Variants in XNDC1N observed in about 807,000 individuals in gnomAD.
XNDC1N encodes protein XNDC1N.
chr11:71,870,259 T>C, the XNDC1N span, among the ~76,000 whole-genome samples: 1 of 152,178 alleles, frequency 6.6e-6, no homozygotes, highest in African/African-American at 2.4e-5. Flanking sequence ...TTTGCTCTTA[T>C]ATTCTTTGAC....
the XNDC1N span, among the ~76,000 whole-genome samples, chr11:71,901,059 A>G: frequency 3.3e-5 from 5 of 152,184 alleles, no homozygotes; most frequent in Non-Finnish European, 5.9e-5. Context: ...AGTGGGTGCC[A>G]CAATCACTGT....
At chr11:71,876,688 C>A in the XNDC1N span, among the ~76,000 whole-genome samples, 2 of 152,148 alleles carry the variant, frequency 1.3e-5, no homozygotes, top group Non-Finnish European at 2.9e-5. Flanking sequence ...AAAATTATGC[C>A]CTTAGTGTTC....
the XNDC1N span, among the ~76,000 whole-genome samples, chr11:71,926,566 A>C: frequency 6.6e-6 from 1 of 152,226 alleles, no homozygotes; most frequent in Non-Finnish European, 1.5e-5. Context: ...GACAATGTGA[A>C]GAAAAATAAA....
chr11:71,920,042 C>A, the XNDC1N span, among the ~76,000 whole-genome samples: 1 of 140,632 alleles, frequency 7.1e-6, no homozygotes, highest in East Asian at 2.2e-4. Flanking sequence ...ACCGAAAGCT[C>A]CGCCTCCCGG....
chr11:71,891,721 A>G, the XNDC1N span, among the ~76,000 whole-genome samples: 2 of 151,856 alleles, frequency 1.3e-5, 1 homozygote, highest in South Asian at 4.2e-4. Flanking sequence ...ATTGGGCACA[A>G]AAACAAAAAA....
chr11:71,922,484 G>C, the XNDC1N span, among the ~76,000 whole-genome samples: 1 of 151,996 alleles, frequency 6.6e-6, no homozygotes, highest in African/African-American at 2.4e-5. Context: ...TTTATTTTTT[G>C]TAGAAATGGG....
chr11:71,883,089 AAAG>A, the XNDC1N span, among the ~76,000 whole-genome samples: 1 of 152,228 alleles, frequency 6.6e-6, no homozygotes, highest in African/African-American at 2.4e-5. Context: ...GAAAGAAATT[AAAG>A]AAGACACAAA....
At chr11:71,879,632 A>G in the XNDC1N span, among the ~76,000 whole-genome samples, 1 of 152,252 alleles carries the variant, frequency 6.6e-6, no homozygotes. Flanking sequence ...AAAATTTACC[A>G]TAATATTCAT....
chr11:71,913,341 T>C, the XNDC1N span, among the ~76,000 whole-genome samples: 1 of 151,762 alleles, frequency 6.6e-6, no homozygotes, highest in Admixed American at 6.6e-5. Context: ...CCTGCGATAT[T>C]GGGAGTAAGA....
the XNDC1N span, chr11:71,914,213 G>T: frequency 2.2e-6 from 1 of 449,044 alleles, no homozygotes; most frequent in East Asian, 7.0e-5. Context: ...ATCTAGGAAA[G>T]TAAATTAAAA....
At chr11:71,893,634 C>T in the XNDC1N span, 18 of 1,124,768 alleles carry the variant, frequency 1.6e-5, no homozygotes, top group Non-Finnish European at 2.1e-5. Flanking sequence ...ACTCCCCCCT[C>T]CACACCCCCA....
chr11:71,872,054 A>C, the XNDC1N span, among the ~76,000 whole-genome samples: 5 of 152,214 alleles, frequency 3.3e-5, no homozygotes, highest in East Asian at 9.6e-4. Flanking sequence ...AAAATGTACT[A>C]TATCTATACG....
chr11:71,878,755 G>C, the XNDC1N span, among the ~76,000 whole-genome samples: 9 of 152,038 alleles, frequency 5.9e-5, no homozygotes, highest in East Asian at 1.9e-4. Context: ...AGCATTTGGG[G>C]AGTTTGAGGT....
chr11:71,895,666 C>G, the XNDC1N span, among the ~76,000 whole-genome samples: 1 of 152,206 alleles, frequency 6.6e-6, no homozygotes, highest in African/African-American at 2.4e-5. Flanking sequence ...TGAAGTTCTA[C>G]ATTTATACAC....
At chr11:71,888,278 T>A in the XNDC1N span, among the ~76,000 whole-genome samples, 1 of 152,082 alleles carries the variant, frequency 6.6e-6, no homozygotes, top group Admixed American at 6.6e-5. Context: ...AGAAAGCAGG[T>A]CATTTGCCAT....
At chr11:71,878,779 A>C in the XNDC1N span, among the ~76,000 whole-genome samples, 1 of 151,758 alleles carries the variant, frequency 6.6e-6, no homozygotes, top group African/African-American at 2.4e-5. Context: ...TGAGCTTGGG[A>C]GTTCTAGACC....
the XNDC1N span, chr11:71,917,658 C>T: frequency 1.4e-6 from 1 of 703,410 alleles, no homozygotes; most frequent in Non-Finnish European, 2.6e-6. Flanking sequence ...GGTTCTTCCC[C>T]TGCTTTGAAT....
chr11:71,892,970 T>TAAG, the XNDC1N span, among the ~76,000 whole-genome samples: 1 of 137,312 alleles, frequency 7.3e-6, no homozygotes, highest in African/African-American at 3.4e-5. Flanking sequence ...TTGAGAATTA[T>TAAG]ATTTGATTTC....
At chr11:71,884,075 A>C in the XNDC1N span, among the ~76,000 whole-genome samples, 1 of 152,156 alleles carries the variant, frequency 6.6e-6, no homozygotes, top group Non-Finnish European at 1.5e-5. Context: ...TAAGAATTTA[A>C]CTCCAGAAAT....
Sources: allele counts gnomAD v4.1 joint callset (sites outside exome capture counted in the v4.1 genomes callset), GRCh38; gene constraint gnomAD v4.1.1; transcripts MANE v1.5; gene names NCBI Gene and HGNC (gene_info 2026-07-23, HGNC 2026-07-21).